The following CDC14B variants were observed in gnomAD, a reference collection of about 807,000 sequenced individuals.
The protein encoded by CDC14B is dual specificity protein phosphatase CDC14B.
Under a neutral mutation model 64.2 loss-of-function variants are expected in CDC14B, and 22 were observed. The observed-to-expected ratio is 0.34, with a 90% CI of 0.24 to 0.49. CDC14B has a LOEUF of 0.49. CDC14B is among the 20% of genes least tolerant of loss of function. The pLI is 0.99. For missense variants in CDC14B, 498 were observed against 629.9 expected, an observed-to-expected ratio of 0.79 and a Z score of 2.24; for synonymous variants, 191 against 215.8, an observed-to-expected ratio of 0.89 and a Z score of 1.01.
chr9:96,606,617 A>C (rs1484883923), intron 1 of CDC14B, among the ~76,000 whole-genome samples: 1 of 148,680 alleles, frequency 6.7e-6, no homozygotes, highest in South Asian at 2.1e-4. Flanking sequence ...CCCAGGCTGG[A>C]GTGCAATGGT....
chr9:96,611,951 T>C (rs1847348182), intron 1 of CDC14B, among the ~76,000 whole-genome samples: 1 of 152,216 alleles, frequency 6.6e-6, no homozygotes, highest in Non-Finnish European at 1.5e-5. Flanking sequence ...GGGTCTCCCA[T>C]CTTTAAGAAG....
At chr9:96,565,280 C>A in intron 2 of CDC14B, 113 bp downstream of exon 2, 2 of 624,968 alleles carry the variant, frequency 3.2e-6, no homozygotes, top group South Asian at 4.4e-5. Context: ...AAACAAGCAT[C>A]CTGTAATTAG....
intron 13 of CDC14B, among the ~76,000 whole-genome samples, chr9:96,504,552 C>T (rs933600695): frequency 6.6e-6 from 1 of 152,294 alleles, no homozygotes; most frequent in Non-Finnish European, 1.5e-5. Flanking sequence ...AAGATCCAGA[C>T]CAGCTAGTGA....
At chr9:96,548,525 G>GTTA (rs1841325182) in intron 5 of CDC14B, among the ~76,000 whole-genome samples, 1 of 151,938 alleles carries the variant, frequency 6.6e-6, no homozygotes, top group Non-Finnish European at 1.5e-5. Context: ...AAAACTCAGT[G>GTTA]GTTAAAGAAG....
At chr9:96,517,831 G>GTTTTTTTTTTTTTTTT (rs893654975) in intron 12 of CDC14B, among the ~76,000 whole-genome samples, 4 of 143,760 alleles carry the variant, frequency 2.8e-5, no homozygotes, top group African/African-American at 1.0e-4. Context: ...ACCATGCCCA[G>GTTTTTTTTTTTTTTTT]TTTTTTTTTT....
At chr9:96,525,806 G>A (rs1236831958) in intron 9 of CDC14B, among the ~76,000 whole-genome samples, 1 of 152,184 alleles carries the variant, frequency 6.6e-6, no homozygotes, top group Admixed American at 6.5e-5. Flanking sequence ...CTATTTAGAT[G>A]AGACTCTGAA....
intron 1 of CDC14B, among the ~76,000 whole-genome samples, chr9:96,576,393 G>A (rs1040344172): frequency 6.6e-6 from 1 of 151,976 alleles, no homozygotes; most frequent in Admixed American, 6.6e-5. Flanking sequence ...CACTTTGGGA[G>A]GCTGAGGCAG....
At chr9:96,535,722 C>T (rs1343712771) in intron 7 of CDC14B, among the ~76,000 whole-genome samples, 3 of 137,834 alleles carry the variant, frequency 2.2e-5, no homozygotes, top group African/African-American at 3.6e-5. Context: ...AATCCCAAAC[C>T]AGTTTACTGG....
At chr9:96,580,190 A>G (rs1193130785) in intron 1 of CDC14B, among the ~76,000 whole-genome samples, 1 of 151,760 alleles carries the variant, frequency 6.6e-6, no homozygotes, top group Non-Finnish European at 1.5e-5. Flanking sequence ...AAATTAAAAT[A>G]CTGATAGCAA....
chr9:96,540,360 C>T (rs528729884), intron 6 of CDC14B, among the ~76,000 whole-genome samples: 2 of 152,026 alleles, frequency 1.3e-5, no homozygotes, highest in Admixed American at 1.3e-4. Context: ...TGGCTGGGTG[C>T]GGTGGTGCAC....
At chr9:96,610,514 TA>T (rs1368109844) in intron 1 of CDC14B, among the ~76,000 whole-genome samples, 2 of 151,954 alleles carry the variant, frequency 1.3e-5, no homozygotes, top group African/African-American at 4.8e-5. Flanking sequence ...CTTTTTAAAT[TA>T]AAAAAAGAAT....
At position 96,618,347 on chromosome 9, in the gene CDC14B, G is replaced by A. The variant is rs190454901; in HGVS notation, c.160+872C>T. 16 of 376,272 alleles carry A rather than the reference G, an allele frequency of 4.3e-5. No individual in the cohort carries two copies. In the Admixed American group the frequency reaches 4.9e-4, roughly 12 times the overall value. The allele number at this position is 376,272 out of a possible 1,614,324, so 23.3% of individuals were successfully genotyped here. ...TGGACAGCTCTGCTGTTTACACAGC[G>A]TTGCCACATACATCATCACATTTAA... On this transcript the variant is annotated intron_variant, in intron 1 of 13. Transcript: ENST00000375241.
At position 96,570,298 on chromosome 9, in the gene CDC14B, C is replaced by T. The variant is rs546204681; in HGVS notation, c.161-4815G>A. ...ATAAAACATAGAAATATGTAGGAGT[C>T]GGTGGGAATTATAATACCGTATGTG... On this transcript the variant is annotated intron_variant, in intron 1 of 13. Transcript: ENST00000375241. Among the ~76,000 whole-genome samples, 13 of 152,174 alleles carry T rather than the reference C, an allele frequency of 8.5e-5. 1 individual carries two copies. The East Asian group carries it at 9.7e-4, about 11-fold the overall frequency.
chr9:96,553,929 GCCATC>G (rs1368310610), intron 4 of CDC14B, among the ~76,000 whole-genome samples: 1 of 152,024 alleles, frequency 6.6e-6, no homozygotes, highest in Non-Finnish European at 1.5e-5. Flanking sequence ...ACTTTGGGAG[GCCATC>G]ACAGGCAGAT....
intron 6 of CDC14B, 22 bp downstream of exon 6, chr9:96,541,804 G>A (rs201243499): frequency 9.6e-5 from 149 of 1,558,352 alleles, no homozygotes; most frequent in Non-Finnish European, 1.2e-4. Context: ...ACAACACTGG[G>A]TGCATCCTAC....
intron 1 of CDC14B, among the ~76,000 whole-genome samples, chr9:96,606,846 G>A (rs766644133): frequency 2.4e-4 from 37 of 152,046 alleles, no homozygotes; most frequent in Non-Finnish European, 4.1e-4. Context: ...GATTACAGGC[G>A]TGAGCCACCG....
intron 1 of CDC14B, among the ~76,000 whole-genome samples, chr9:96,595,988 C>G (rs1846046080): frequency 6.6e-6 from 1 of 152,016 alleles, no homozygotes; most frequent in Non-Finnish European, 1.5e-5. Context: ...ATATAACTTT[C>G]AACAAACACA....
intron 1 of CDC14B, among the ~76,000 whole-genome samples, chr9:96,615,896 T>C (rs1847595887): frequency 6.6e-6 from 1 of 152,196 alleles, no homozygotes; most frequent in Non-Finnish European, 1.5e-5. Context: ...TCTATAGATA[T>C]AGTCACACAT....
intron 1 of CDC14B, among the ~76,000 whole-genome samples, chr9:96,609,164 A>G (rs767608201): frequency 1.6e-4 from 24 of 152,086 alleles, no homozygotes; most frequent in Admixed American, 6.6e-5. Flanking sequence ...GGGTATCACC[A>G]TGTTGACCAG....
Sources: gnomAD v4.1 joint callset for allele counts (sites outside exome capture counted in the v4.1 genomes callset) on GRCh38, gnomAD v4.1.1 for gene constraint, MANE v1.5 for transcripts, NCBI Gene and HGNC (gene_info 2026-07-23, HGNC 2026-07-21) for gene names.